Variants in ITPR1 observed in about 807,000 individuals in gnomAD.
The protein encoded by ITPR1 is inositol 1,4,5-trisphosphate-gated calcium channel ITPR1.
ITPR1 carries 96 observed loss-of-function variants against 318.4 expected under a neutral mutation model. The ratio of observed to expected loss-of-function variants is 0.30; its 90% confidence interval spans 0.26 to 0.36. The LOEUF is 0.36. ITPR1 is among the 10% of genes least tolerant of loss of function. ITPR1 has a pLI of 1.00. For synonymous variants in ITPR1, 1,312 were observed against 1,289.9 expected, an observed-to-expected ratio of 1.02 and a Z score of -0.37; for missense variants, 2,440 against 3,460.2, an observed-to-expected ratio of 0.71 and a Z score of 7.40.
chr3:4,612,837 A>T (rs2092216982), intron 4 of ITPR1, among the ~76,000 whole-genome samples: 1 of 152,220 alleles, frequency 6.6e-6, no homozygotes, highest in African/African-American at 2.4e-5. Context: ...CAGTGAGCCA[A>T]GATCCTGCTC....
At chr3:4,618,615 C>G (rs766169414) in intron 4 of ITPR1, among the ~76,000 whole-genome samples, 1 of 152,166 alleles carries the variant, frequency 6.6e-6, no homozygotes, top group African/African-American at 2.4e-5. Flanking sequence ...ATTTGCATAG[C>G]TCTTTTGTAG....
chr3:4,594,377 G>A (rs1165845281), intron 4 of ITPR1, among the ~76,000 whole-genome samples: 3 of 152,070 alleles, frequency 2.0e-5, no homozygotes, highest in Non-Finnish European at 2.9e-5. Flanking sequence ...TATCCTGGGA[G>A]CACTTCCTTA....
chr3:4,532,804 C>A (rs906563096), intron 4 of ITPR1, among the ~76,000 whole-genome samples: 2 of 152,216 alleles, frequency 1.3e-5, no homozygotes, highest in African/African-American at 2.4e-5. Context: ...AGAATGAGGG[C>A]TAGTGGATCA....
chr3:4,616,316 T>TATTA (rs2092387408), intron 4 of ITPR1, among the ~76,000 whole-genome samples: 1 of 152,266 alleles, frequency 6.6e-6, no homozygotes, highest in Non-Finnish European at 1.5e-5. Flanking sequence ...TACAGTCTAA[T>TATTA]AAGTTTGAAT....
At chr3:4,588,758 A>T (rs866975963) in intron 4 of ITPR1, among the ~76,000 whole-genome samples, 1 of 152,052 alleles carries the variant, frequency 6.6e-6, no homozygotes, top group Non-Finnish European at 1.5e-5. Context: ...TTTGTCTCCA[A>T]CTGGCAGTGT....
intron 46 of ITPR1, among the ~76,000 whole-genome samples, chr3:4,769,125 C>A (rs1042731037): frequency 2.0e-5 from 3 of 152,094 alleles, no homozygotes; most frequent in African/African-American, 7.2e-5. Context: ...GTCTCGAACT[C>A]CTGACCTCAA....
chr3:4,659,517 C>T (rs2093787138), intron 13 of ITPR1, among the ~76,000 whole-genome samples: 2 of 151,882 alleles, frequency 1.3e-5, no homozygotes, highest in South Asian at 2.1e-4. Flanking sequence ...AACCCCGACT[C>T]TACAAAAAAA....
At chr3:4,567,266 C>T (rs2087400387) in intron 4 of ITPR1, among the ~76,000 whole-genome samples, 1 of 151,818 alleles carries the variant, frequency 6.6e-6, no homozygotes, top group African/African-American at 2.4e-5. Context: ...TTCTTTAGCT[C>T]TTACTCTTTT....
chr3:4,657,253 G>A (rs2093730871), intron 12 of ITPR1, among the ~76,000 whole-genome samples: 1 of 152,036 alleles, frequency 6.6e-6, no homozygotes, highest in African/African-American at 2.4e-5. Flanking sequence ...TTTTTCTCCT[G>A]GGAAGTTGCT....
chr3:4,761,373 G>C (rs1156455195), intron 44 of ITPR1, among the ~76,000 whole-genome samples: 1 of 152,114 alleles, frequency 6.6e-6, no homozygotes, highest in African/African-American at 2.4e-5. Flanking sequence ...TTGGTTTTCT[G>C]CTCCTGCATC....
At chr3:4,520,932 G>T (rs972379507) in intron 3 of ITPR1, 92 bp from the exon 4 acceptor site, 1 of 909,408 alleles carries the variant, frequency 1.1e-6, no homozygotes. Context: ...TAAATGTTGC[G>T]CAGGAAAAGC....
At chr3:4,723,542 AT>A (rs2042308983) in intron 40 of ITPR1, among the ~76,000 whole-genome samples, 1 of 152,094 alleles carries the variant, frequency 6.6e-6, no homozygotes, top group African/African-American at 2.4e-5. Flanking sequence ...CAGTACAATC[AT>A]AAAACATAAT....
chr3:4,512,009 G>T (rs1384127122), intron 2 of ITPR1, among the ~76,000 whole-genome samples: 1 of 152,090 alleles, frequency 6.6e-6, no homozygotes, highest in Non-Finnish European at 1.5e-5. Context: ...TTTTTCACAG[G>T]CAGGGTCTTG....
intron 10 of ITPR1, among the ~76,000 whole-genome samples, chr3:4,647,764 T>G (rs2093493934): frequency 6.6e-6 from 1 of 152,218 alleles, no homozygotes; most frequent in Non-Finnish European, 1.5e-5. Context: ...TGTGCTTATT[T>G]GGCATCTGTG....
In ITPR1 at chr3:4,674,274, G is replaced by A. The variant is rs1226190809; in HGVS notation, c.2529G>A (p.Glu843=). ...CTCAGACCATGGAGTTTGTGGAGGA[G>A]TATTTAAGAGATGTGGTTTGTCAGA... ...RFAQTMEFVE[E]YLRDVVCQRF... is the part of the protein sequence containing the mutation. Residue 843 remains glutamate (E), a synonymous_variant, in exon 22 of 62, where the codon GAG becomes GAA. Transcript: ENST00000649015. 1 of 1,591,948 alleles carries A rather than the reference G, an allele frequency of 6.3e-7. No homozygotes were observed. Among genetic ancestry groups the A allele is most frequent in the East Asian group, 2.3e-5 (1 of 44,398 alleles).
intron 2 of ITPR1, among the ~76,000 whole-genome samples, chr3:4,506,452 G>GT (rs1205082921): frequency 6.6e-6 from 1 of 151,914 alleles, no homozygotes; most frequent in Non-Finnish European, 1.5e-5. Flanking sequence ...ATCTCATCTT[G>GT]TTTTTTCTGA....
At chr3:4,789,413 G>A (rs1438494171) in intron 52 of ITPR1, among the ~76,000 whole-genome samples, 1 of 152,176 alleles carries the variant, frequency 6.6e-6, no homozygotes, top group Non-Finnish European at 1.5e-5. Flanking sequence ...AACTTTTGCA[G>A]AGCACCATGC....
chr3:4,675,279 G>A (rs944702814), intron 23 of ITPR1, 31 bp downstream of exon 23: 2 of 1,527,240 alleles, frequency 1.3e-6, no homozygotes, highest in Non-Finnish European at 1.8e-6. Context: ...ATACATCTGA[G>A]AGATGCCCTC....
At chr3:4,635,617 T>A (rs1049377581) in intron 5 of ITPR1, among the ~76,000 whole-genome samples, 3 of 152,064 alleles carry the variant, frequency 2.0e-5, no homozygotes, top group Non-Finnish European at 1.5e-5. Context: ...AGTGCTGGGA[T>A]TACAGGCATG....
Sources: allele counts gnomAD v4.1 joint callset (sites outside exome capture counted in the v4.1 genomes callset), GRCh38; gene constraint gnomAD v4.1.1; transcripts MANE v1.5; gene names NCBI Gene and HGNC (gene_info 2026-07-23, HGNC 2026-07-21).